The following GNA12 variants were observed in gnomAD, a reference collection of about 807,000 sequenced individuals.
GNA12 encodes the protein G protein subunit alpha 12.
Under a neutral mutation model 26.0 loss-of-function variants are expected in GNA12, and 9 were observed. The observed-to-expected ratio is 0.35, with a 90% CI of 0.21 to 0.60. GNA12 has a LOEUF of 0.60. Ranked by LOEUF, GNA12 falls within the 20% of genes least tolerant of loss-of-function variation. The pLI, the probability that GNA12 is intolerant of heterozygous loss-of-function variation, is 0.78. For synonymous variants in GNA12, 264 were observed against 219.6 expected (o/e 1.20, Z -1.79); for missense variants, 405 against 525.8 (o/e 0.77, Z 2.25).
At chr7:2,842,100 A>AGGGAAGAAGGG (rs879694805) in intron 1 of GNA12, among the ~76,000 whole-genome samples, 49 of 146,854 alleles carry the variant, frequency 3.3e-4, no homozygotes, top group African/African-American at 9.4e-4. Context: ...AAAGGAAGGA[A>AGGGAAGAAGGG]AGGAAGGAAG....
intron 1 of GNA12, among the ~76,000 whole-genome samples, chr7:2,810,863 A>G (rs1393646665): frequency 6.6e-6 from 1 of 152,108 alleles, no homozygotes; most frequent in Non-Finnish European, 1.5e-5. Flanking sequence ...ACGCCATTGC[A>G]TTCCAGCCTG....
chr7:2,768,263 G>C (rs2115416598), intron 2 of GNA12, among the ~76,000 whole-genome samples: 1 of 152,330 alleles, frequency 6.6e-6, no homozygotes, highest in South Asian at 2.1e-4. Flanking sequence ...ATCGGAAATG[G>C]TTTCTGTTTT....
chr7:2,800,572 A>C (rs542317032), intron 1 of GNA12, among the ~76,000 whole-genome samples: 1 of 152,350 alleles, frequency 6.6e-6, no homozygotes, highest in South Asian at 2.1e-4. Context: ...ACTTATTTCA[A>C]AATAAAAAGT....
At chr7:2,827,582 G>A (rs1459211640) in intron 1 of GNA12, among the ~76,000 whole-genome samples, 7 of 152,140 alleles carry the variant, frequency 4.6e-5, no homozygotes, top group Admixed American at 4.6e-4. Context: ...GCATAACCAC[G>A]CTGAGGACAG....
At chr7:2,786,288 C>A (rs2527684) in intron 2 of GNA12, among the ~76,000 whole-genome samples, 58,678 of 151,920 alleles carry the variant, frequency 0.39, 11,748 homozygotes, top group Admixed American at 0.45. Flanking sequence ...GTGTAACTTC[C>A]TGTGAATCTG....
intron 1 of GNA12, among the ~76,000 whole-genome samples, chr7:2,805,248 T>G (rs560186464): frequency 6.6e-6 from 1 of 152,388 alleles, no homozygotes; most frequent in Non-Finnish European, 1.5e-5. Context: ...GCCTGCCATG[T>G]GAACGACACT....
At chr7:2,765,395 G>A (rs1791761031) in intron 2 of GNA12, among the ~76,000 whole-genome samples, 1 of 152,086 alleles carries the variant, frequency 6.6e-6, no homozygotes, top group Non-Finnish European at 1.5e-5. Context: ...TCCTGACCTC[G>A]TGATCCGCCC....
intron 2 of GNA12, among the ~76,000 whole-genome samples, chr7:2,742,098 T>C (rs559427941): frequency 6.6e-6 from 1 of 152,158 alleles, no homozygotes; most frequent in East Asian, 1.9e-4. Flanking sequence ...CTCAGCTCAC[T>C]GCAGCCTCCG....
At chr7:2,763,936 T>C (rs1791694196) in intron 2 of GNA12, among the ~76,000 whole-genome samples, 1 of 152,190 alleles carries the variant, frequency 6.6e-6, no homozygotes, top group Admixed American at 6.5e-5. Flanking sequence ...GTGAATCCAA[T>C]TATGCACCCT....
rs547126891 is a variant in GNA12, at chr7:2,839,690, T to C, written c.309+4163A>G. Among the ~76,000 whole-genome samples, 21 of 152,280 alleles carry C rather than the reference T, an allele frequency of 1.4e-4. No homozygotes were observed. In the South Asian group the frequency reaches 4.3e-3, roughly 32 times the overall value. ...TGAGCCATTGCACCTGGCCATGACATGTATGAAATGACAAAATTATCGAAT... is the reference window on the plus strand; with the variant it reads ...TGAGCCATTGCACCTGGCCATGACACGTATGAAATGACAAAATTATCGAAT... On this transcript the variant is annotated intron_variant, in intron 1 of 3. Transcript: ENST00000275364.
At chr7:2,819,716 G>C (rs759786423) in intron 1 of GNA12, among the ~76,000 whole-genome samples, 3 of 152,150 alleles carry the variant, frequency 2.0e-5, no homozygotes, top group Admixed American at 6.5e-5. Context: ...AACCGAAAAC[G>C]GGATGGCTGG....
chr7:2,817,539 C>T (rs1793245224), intron 1 of GNA12, among the ~76,000 whole-genome samples: 1 of 152,248 alleles, frequency 6.6e-6, no homozygotes, highest in African/African-American at 2.4e-5. Flanking sequence ...ACCAGCCCCT[C>T]AGCTCTCTCT....
chr7:2,790,760 G>C (rs1792497156), intron 2 of GNA12, among the ~76,000 whole-genome samples: 1 of 152,198 alleles, frequency 6.6e-6, no homozygotes, highest in African/African-American at 2.4e-5. Context: ...CTAGAGCCCA[G>C]GAGTTTGAGA....
chr7:2,821,830 T>C (rs1236322099), intron 1 of GNA12, among the ~76,000 whole-genome samples: 1 of 152,216 alleles, frequency 6.6e-6, no homozygotes, highest in Non-Finnish European at 1.5e-5. Flanking sequence ...AATACTTTGT[T>C]TACAAGATCA....
chr7:2,780,048 G>GTATATATATATATATATATATATATATA (rs1554259618), intron 2 of GNA12, among the ~76,000 whole-genome samples: 1 of 84,734 alleles, frequency 1.2e-5, no homozygotes, highest in African/African-American at 5.7e-5. Flanking sequence ...ACATTTCTGT[G>GTATATATATATATATATATATATATATA]TACATATATA....
intron 1 of GNA12, among the ~76,000 whole-genome samples, chr7:2,807,401 A>T (rs1424592013): frequency 2.0e-5 from 3 of 152,234 alleles, no homozygotes; most frequent in Non-Finnish European, 4.4e-5. Context: ...AACTAGGCTC[A>T]GTCAACACTT....
chr7:2,745,121 C>G (rs1790703798), intron 2 of GNA12, among the ~76,000 whole-genome samples: 1 of 152,134 alleles, frequency 6.6e-6, no homozygotes, highest in African/African-American at 2.4e-5. Flanking sequence ...GAAAACTTCC[C>G]CAATCTAGCA....
intron 2 of GNA12, among the ~76,000 whole-genome samples, chr7:2,787,515 T>A (rs964712403): frequency 6.6e-6 from 1 of 152,168 alleles, no homozygotes; most frequent in Non-Finnish European, 1.5e-5. Context: ...CGCTTGCCAT[T>A]CTTCCAGCTA....
chr7:2,790,945 G>A (rs540507225), intron 2 of GNA12, among the ~76,000 whole-genome samples: 1 of 151,006 alleles, frequency 6.6e-6, no homozygotes, highest in Admixed American at 6.6e-5. Flanking sequence ...GTGTACTCCG[G>A]CCTGGAAGGC....
Sources: gnomAD v4.1 joint callset for allele counts (sites outside exome capture counted in the v4.1 genomes callset) on GRCh38, gnomAD v4.1.1 for gene constraint, MANE v1.5 for transcripts, NCBI Gene and HGNC (gene_info 2026-07-23, HGNC 2026-07-21) for gene names.